COX7B2: variants seen among roughly 807,000 people sequenced by gnomAD.
COX7B2 encodes cytochrome c oxidase subunit 7B2, mitochondrial.
For synonymous variants in COX7B2, 37 were observed against 32.1 expected (o/e 1.15, Z -0.51); for missense variants, 109 against 95.9 (o/e 1.14, Z -0.57).
intron 2 of COX7B2, among the ~76,000 whole-genome samples, chr4:46,791,740 C>T (rs1317705315): frequency 6.6e-6 from 1 of 152,192 alleles, no homozygotes; most frequent in African/African-American, 2.4e-5. Flanking sequence ...TCTCCTGGAA[C>T]CCATTCCCAT....
chr4:46,804,797 G>A (rs1194822072), intron 2 of COX7B2, among the ~76,000 whole-genome samples: 1 of 152,258 alleles, frequency 6.6e-6, no homozygotes, highest in Non-Finnish European at 1.5e-5. Flanking sequence ...GGCCGCAGGT[G>A]GAGCTGCCTG....
At chr4:46,862,621 T>C in intron 1 of COX7B2, among the ~76,000 whole-genome samples, 1 of 152,308 alleles carries the variant, frequency 6.6e-6, no homozygotes, top group Non-Finnish European at 1.5e-5. Context: ...TTTTGATAAA[T>C]AAGACTAATT....
chr4:46,859,238 C>A (rs1280283968), intron 1 of COX7B2, among the ~76,000 whole-genome samples: 1 of 152,160 alleles, frequency 6.6e-6, no homozygotes, highest in African/African-American at 2.4e-5. Flanking sequence ...TATCAAGCTA[C>A]CTCTTTTCCC....
At chr4:46,813,158 G>A (rs1191698423) in intron 2 of COX7B2, among the ~76,000 whole-genome samples, 1 of 152,136 alleles carries the variant, frequency 6.6e-6, no homozygotes, top group Non-Finnish European at 1.5e-5. Context: ...CTAGGGAGTA[G>A]GCCATAAGAC....
At chr4:46,760,845 A>T (rs1157148735) in intron 2 of COX7B2, among the ~76,000 whole-genome samples, 1 of 152,214 alleles carries the variant, frequency 6.6e-6, no homozygotes, top group East Asian at 1.9e-4. Flanking sequence ...AAGAAGATAA[A>T]TCTTAGTTAA....
chr4:46,787,428 C>T (rs1351970746), intron 2 of COX7B2, among the ~76,000 whole-genome samples: 1 of 151,254 alleles, frequency 6.6e-6, no homozygotes, highest in African/African-American at 2.4e-5. Flanking sequence ...GCCTGGACAA[C>T]AAGAGTGAGA....
chr4:46,749,849 A>G (rs965266852), intron 2 of COX7B2, among the ~76,000 whole-genome samples: 3 of 152,212 alleles, frequency 2.0e-5, no homozygotes, highest in Admixed American at 6.5e-5. Context: ...ACTGGGAATA[A>G]TAATTCAGAT....
At chr4:46,847,059 C>T (rs1245699280) in intron 1 of COX7B2, among the ~76,000 whole-genome samples, 1 of 151,938 alleles carries the variant, frequency 6.6e-6, no homozygotes, top group African/African-American at 2.4e-5. Context: ...TCAAATTTAA[C>T]ACCATAGATA....
chr4:46,798,214 A>C (rs1718462830), intron 2 of COX7B2, among the ~76,000 whole-genome samples: 1 of 152,182 alleles, frequency 6.6e-6, no homozygotes. Context: ...GGCATGTTGA[A>C]ATATCTCTTC....
intron 1 of COX7B2, among the ~76,000 whole-genome samples, chr4:46,891,026 T>A (rs917660998): frequency 6.6e-6 from 1 of 152,078 alleles, no homozygotes; most frequent in African/African-American, 2.4e-5. Flanking sequence ...ACAGTGGAAA[T>A]GAAGAGGAAT....
chr4:46,804,640 G>A (rs1029913863), intron 2 of COX7B2, among the ~76,000 whole-genome samples: 1 of 152,180 alleles, frequency 6.6e-6, no homozygotes, highest in African/African-American at 2.4e-5. Flanking sequence ...CTAGACACAG[G>A]GTGCTGCTTG....
At chr4:46,833,606 A>G (rs113158831) in intron 2 of COX7B2, among the ~76,000 whole-genome samples, 6 of 152,314 alleles carry the variant, frequency 3.9e-5, no homozygotes, top group African/African-American at 9.6e-5. Flanking sequence ...AGCAGAGGCA[A>G]TAAGAAGTAT....
At chr4:46,752,829 T>C (rs1378678475) in intron 2 of COX7B2, among the ~76,000 whole-genome samples, 6 of 152,216 alleles carry the variant, frequency 3.9e-5, no homozygotes, top group African/African-American at 1.4e-4. Context: ...GTCAGTATTT[T>C]ATTGAGGATT....
chr4:46,885,483 C>T (rs140022390), intron 1 of COX7B2, among the ~76,000 whole-genome samples: 377 of 152,104 alleles, frequency 2.5e-3, no homozygotes, highest in African/African-American at 8.5e-3. Context: ...TTTGTATTTG[C>T]GCAGCACCTT....
At chr4:46,787,471 AG>A (rs1354544373) in intron 2 of COX7B2, among the ~76,000 whole-genome samples, 1 of 152,148 alleles carries the variant, frequency 6.6e-6, no homozygotes, top group Non-Finnish European at 1.5e-5. Flanking sequence ...TAAAAAAAAA[AG>A]ATACATGTGA....
intron 1 of COX7B2, among the ~76,000 whole-genome samples, chr4:46,908,178 CT>C (rs1720523615): frequency 6.6e-6 from 1 of 151,950 alleles, no homozygotes; most frequent in Non-Finnish European, 1.5e-5. Flanking sequence ...TCTATGCCCC[CT>C]ATGTAGGCCT....
chr4:46,813,485 C>T (rs1406712231), intron 2 of COX7B2, among the ~76,000 whole-genome samples: 1 of 152,064 alleles, frequency 6.6e-6, no homozygotes, highest in African/African-American at 2.4e-5. Context: ...AAAAGAAACT[C>T]GTAAGTGGGA....
chr4:46,866,326 T>C (rs1216249203), intron 1 of COX7B2, among the ~76,000 whole-genome samples: 3 of 152,188 alleles, frequency 2.0e-5, no homozygotes. Context: ...ACACCACATA[T>C]GGCCTCTATT....
At chr4:46,889,903 T>G (rs1719327328) in intron 1 of COX7B2, among the ~76,000 whole-genome samples, 1 of 151,956 alleles carries the variant, frequency 6.6e-6, no homozygotes, top group Admixed American at 6.6e-5. Flanking sequence ...AGTATGGTTT[T>G]TTTTTTTTTT....
Sources: gnomAD v4.1 joint callset for allele counts (sites outside exome capture counted in the v4.1 genomes callset) on GRCh38, gnomAD v4.1.1 for gene constraint, MANE v1.5 for transcripts, NCBI Gene and HGNC (gene_info 2026-07-23, HGNC 2026-07-21) for gene names.